NSMCE4A: variants seen among roughly 807,000 people sequenced by gnomAD.
NSMCE4A encodes the protein NSE4A component of SMC5/6 complex.
NSMCE4A carries 40 observed loss-of-function variants against 47.9 expected under a neutral mutation model. The ratio of observed to expected loss-of-function variants is 0.83; its 90% CI spans 0.65 to 1.09. The LOEUF is 1.09. Ranked by LOEUF, NSMCE4A falls within the 50% of genes least tolerant of loss-of-function variation. NSMCE4A has a pLI of 0.00. For synonymous variants in NSMCE4A, 166 were observed against 178.5 expected (o/e 0.93, Z 0.56); for missense variants, 500 against 507.0 (o/e 0.99, Z 0.13).
intron 2 of NSMCE4A, among the ~76,000 whole-genome samples, chr10:121,973,333 G>A (rs1202785386): frequency 6.6e-6 from 1 of 152,026 alleles, no homozygotes; most frequent in East Asian, 1.9e-4. Context: ...GGTCTGGGTA[G>A]TAGTCCTGTG....
At chr10:121,961,625 G>GGAAT in intron 6 of NSMCE4A, 108 bp from the exon 7 acceptor site, 1 of 654,758 alleles carries the variant, frequency 1.5e-6, no homozygotes, top group Non-Finnish European at 2.4e-6. Context: ...TCCTGCTGCA[G>GGAAT]GAGTGCAAAT....
At position 121,965,326 on chromosome 10, in the gene NSMCE4A, T is replaced by C. The variant is rs375940484; in HGVS notation, c.713A>G (p.Lys238Arg). 2 of 1,613,806 alleles carry C rather than the reference T, an allele frequency of 1.2e-6. No homozygotes were observed. Among genetic ancestry groups the C allele is most frequent in the African/African-American group, 2.7e-5 (2 of 74,924 alleles). ...CCTCTCCTCTTGTATCACAGGAACT[T>C]TTCTTGGACGATCAACTCGTGGCTT... ...VPKPRVDRPR[K>R]VPVIQEERAM... The change falls in exon 5 of 11, where the codon AAA becomes AGA. Residue 238 changes from lysine (K) to arginine (R), a missense_variant. By Grantham distance (26) the Lys-to-Arg change is conservative. Coordinates refer to ENST00000369023, the MANE Select transcript of NSMCE4A (RefSeq NM_017615.3).
intron 5 of NSMCE4A, 30 bp downstream of exon 5, chr10:121,965,255 GT>G (rs766868538): frequency 2.7e-6 from 4 of 1,497,286 alleles, no homozygotes; most frequent in African/African-American, 1.4e-5. Context: ...ACTTTAATGT[GT>G]TTTTTTAAAA....
Position 121,975,191 on chromosome 10 carries a change from GA to G in NSMCE4A, c.-27del. 1 of 1,353,280 alleles carries G rather than the reference GA, an allele frequency of 7.4e-7. No individual in the cohort carries two copies. Among genetic ancestry groups the G allele is most frequent in the South Asian group, 1.8e-5 (1 of 56,572 alleles). 83.8% of individuals were successfully genotyped at this position (1,353,280 alleles called of 1,614,324 possible). On this transcript the variant is annotated 5_prime_UTR_variant, in exon 1 of 11. Transcript: ENST00000369023. ...AGCGCCAATTCACCGTGCAACTTCG[GA>G]ACGGCGGAAGTTCGCGCCAGAAACT...
intron 10 of NSMCE4A, among the ~76,000 whole-genome samples, chr10:121,957,804 G>A (rs1319768726): frequency 6.6e-6 from 1 of 151,772 alleles, no homozygotes; most frequent in Non-Finnish European, 1.5e-5. Context: ...CACATATTAA[G>A]TGCTTACATT....
At chr10:121,963,387 C>T in intron 5 of NSMCE4A, 59 bp from the exon 6 acceptor site, 1 of 932,220 alleles carries the variant, frequency 1.1e-6, no homozygotes. Context: ...ACGTTTTCTT[C>T]TCTCTTGCAC....
At chr10:121,971,666 G>T (rs1373507612) in intron 2 of NSMCE4A, among the ~76,000 whole-genome samples, 1 of 152,118 alleles carries the variant, frequency 6.6e-6, no homozygotes, top group Non-Finnish European at 1.5e-5. Flanking sequence ...AGCAAAACCC[G>T]TCATGTCTAA....
chr10:121,967,832 A>C (rs905865985), intron 3 of NSMCE4A, 26 bp from the exon 4 acceptor site: 1 of 1,597,016 alleles, frequency 6.3e-7, no homozygotes, highest in African/African-American at 1.4e-5. Context: ...AAAACAAAAA[A>C]CCCAGTTAAG....
intron 10 of NSMCE4A, among the ~76,000 whole-genome samples, chr10:121,957,937 A>C (rs999914577): frequency 6.6e-6 from 1 of 152,064 alleles, no homozygotes; most frequent in Admixed American, 6.6e-5. Flanking sequence ...ATTAAAAAAA[A>C]ATAAAGTTGA....
intron 4 of NSMCE4A, 87 bp downstream of exon 4, chr10:121,967,568 C>T (rs957213967): frequency 4.3e-6 from 6 of 1,408,322 alleles, no homozygotes; most frequent in Non-Finnish European, 5.8e-6. Flanking sequence ...GTCACCTCTA[C>T]AATACCAAAT....
At position 121,967,641 on chromosome 10, in the gene NSMCE4A, T is replaced by A; in HGVS notation, c.653+14A>T. The A allele has an allele frequency of 1.9e-6, 3 of 1,601,332 alleles. No homozygotes were observed. The highest frequency in any genetic ancestry group is 2.5e-6 in the Non-Finnish European group (3 of 1,176,776). Reference sequence around the variant, plus strand: ...ACAAATAACTGGTCTGTTGGATTTTTAAAATAATCTTACAGAAAGTGGAAT... The same window carrying A: ...ACAAATAACTGGTCTGTTGGATTTTAAAAATAATCTTACAGAAAGTGGAAT... On this transcript the variant is annotated intron_variant, in intron 4 of 10. Coordinates refer to ENST00000369023, the MANE Select transcript of NSMCE4A (RefSeq NM_017615.3).
In NSMCE4A at chr10:121,967,810, C is replaced by A; in HGVS notation, c.502-4G>T. 1 of 1,594,004 alleles carries A rather than the reference C, an allele frequency of 6.3e-7. No homozygotes were observed. Among genetic ancestry groups the A allele is most frequent in the Non-Finnish European group, 8.5e-7 (1 of 1,175,030 alleles). The stretch of plus-strand genomic sequence containing the variant: ...GATTTACACCCATATGTGTGAGCTA[C>A]AAAAATGAAGGAAAACAAAAAACCC... On this transcript the variant is annotated splice_polypyrimidine_tract_variant and splice_region_variant and intron_variant, in intron 3 of 10. Coordinates refer to ENST00000369023, the MANE Select transcript of NSMCE4A (RefSeq NM_017615.3).
At chr10:121,974,534 C>A (rs1952779378) in intron 1 of NSMCE4A, 1 of 1,010,900 alleles carries the variant, frequency 9.9e-7, no homozygotes, top group South Asian at 4.6e-5. Flanking sequence ...CGGGAGCCCA[C>A]GCCGAGGACT....
At position 121,959,343 on chromosome 10, in the gene NSMCE4A, C is replaced by G; in HGVS notation, c.1151G>C (p.Ser384Thr). Residue 384 changes from serine to threonine, a missense_variant, in exon 10 of 11, where the codon AGT (serine) becomes ACT (threonine). Transcript: ENST00000369023. ...GGTTACCTTCAGCTAGCATCAAGCA[C>G]TTGGCTTCTGCTGCCTCTGACTTGG... is the stretch of plus-strand genomic sequence containing the variant. ...ITPSQRQQKP[S>T]A The G allele has an allele frequency of 6.2e-7, 1 of 1,614,170 alleles. No homozygotes were observed. Among genetic ancestry groups the G allele is most frequent in the Non-Finnish European group, 8.5e-7 (1 of 1,179,988 alleles).
At chr10:121,961,244 T>C (rs1952491934) in intron 7 of NSMCE4A, among the ~76,000 whole-genome samples, 179 bp downstream of exon 7, 1 of 152,196 alleles carries the variant, frequency 6.6e-6, no homozygotes. Flanking sequence ...AAAGCAAGCA[T>C]ATAAAATTTT....
At chr10:121,970,006 GC>G (rs1400684177) in intron 3 of NSMCE4A, among the ~76,000 whole-genome samples, 1 of 152,074 alleles carries the variant, frequency 6.6e-6, no homozygotes, top group East Asian at 1.9e-4. Flanking sequence ...GTGAGCCACT[GC>G]CCCCAGCCAG....
intron 2 of NSMCE4A, among the ~76,000 whole-genome samples, chr10:121,971,498 G>A (rs1398983035): frequency 6.7e-6 from 1 of 149,774 alleles, no homozygotes; most frequent in Non-Finnish European, 1.5e-5. Context: ...CAGAGCAAGA[G>A]GCTGTCTCAA....
rs1171201673 is a variant in NSMCE4A, at chr10:121,974,073, C to T, written c.301G>A (p.Glu101Lys). Residue 101 changes from glutamate (E) to lysine (K), a missense_variant, in exon 2 of 11, where the codon GAG (glutamate) becomes AAG (lysine). By Grantham distance (56) the Glu-to-Lys change is moderately conservative. Transcript: ENST00000369023. ...ALINSVQQNR[E>K]DILNAGDKLT... is the part of the protein sequence containing the mutation. Reference sequence around the variant, plus strand: ...TTGTCACCGGCATTCAGTATGTCCTCACGGTTTTCTATTTTTAAAAATACA... The same window carrying T: ...TTGTCACCGGCATTCAGTATGTCCTTACGGTTTTCTATTTTTAAAAATACA... The T allele has an allele frequency of 2.0e-5, 32 of 1,602,440 alleles. No homozygotes were observed. The highest frequency in any genetic ancestry group is 2.7e-5 in the Non-Finnish European group (32 of 1,172,734).
chr10:121,965,542 G>A (rs1384742529), intron 4 of NSMCE4A, among the ~76,000 whole-genome samples, 157 bp from the exon 5 acceptor site: 1 of 152,230 alleles, frequency 6.6e-6, no homozygotes, highest in South Asian at 2.1e-4. Context: ...GATAAGGTTT[G>A]TGACAGCCTT....
Sources: allele counts gnomAD v4.1 joint callset (sites outside exome capture counted in the v4.1 genomes callset), GRCh38; gene constraint gnomAD v4.1.1; transcripts MANE v1.5; gene names NCBI Gene and HGNC (gene_info 2026-07-23, HGNC 2026-07-21).